The following PPP2R2B variants were observed in gnomAD, a reference collection of about 807,000 sequenced individuals.
PPP2R2B encodes serine/threonine-protein phosphatase 2A 55 kDa regulatory subunit B beta isoform.
Under a neutral mutation model 46.0 loss-of-function variants are expected in PPP2R2B, and 5 were observed. The ratio of observed to expected loss-of-function variants is 0.11; its 90% CI spans 0.06 to 0.23. The LOEUF (loss-of-function observed/expected upper bound fraction) is 0.23, where lower values mean the gene tolerates loss of function less well. PPP2R2B is among the 10% of genes least tolerant of loss of function. The pLI is 1.00. For synonymous variants in PPP2R2B, 215 were observed against 206.7 expected (o/e 1.04, Z -0.34); for missense variants, 367 against 575.0 (o/e 0.64, Z 3.70).
At chr5:147,067,216 A>G (rs1418540733) in intron 2 of PPP2R2B, among the ~76,000 whole-genome samples, 1 of 152,188 alleles carries the variant, frequency 6.6e-6, no homozygotes, top group Non-Finnish European at 1.5e-5. Flanking sequence ...ATTTTCCAGT[A>G]TACAATACCT....
intron 1 of PPP2R2B, among the ~76,000 whole-genome samples, chr5:147,002,381 G>A (rs1363726424): frequency 6.6e-6 from 1 of 152,124 alleles, no homozygotes; most frequent in East Asian, 1.9e-4. Flanking sequence ...GAGGACAAAA[G>A]GCATCACTCT....
intron 1 of PPP2R2B, among the ~76,000 whole-genome samples, chr5:146,902,018 T>C (rs185001159): frequency 1.3e-5 from 2 of 152,244 alleles, no homozygotes; most frequent in Admixed American, 6.5e-5. Context: ...CAAAGTGTGA[T>C]GAAAAAATCT....
chr5:147,042,997 CA>C (rs1289371152), intron 1 of PPP2R2B, among the ~76,000 whole-genome samples: 1 of 152,074 alleles, frequency 6.6e-6, no homozygotes, highest in Non-Finnish European at 1.5e-5. Flanking sequence ...TAGAGGAGAT[CA>C]GGGGCTAATA....
At chr5:146,842,186 T>C (rs1200123759) in intron 2 of PPP2R2B, among the ~76,000 whole-genome samples, 1 of 152,174 alleles carries the variant, frequency 6.6e-6, no homozygotes, top group African/African-American at 2.4e-5. Flanking sequence ...CCTTCTTCCA[T>C]CTGAAGTGCT....
intron 1 of PPP2R2B, among the ~76,000 whole-genome samples, chr5:146,950,139 G>T (rs904349303): frequency 6.6e-6 from 1 of 152,044 alleles, no homozygotes; most frequent in Non-Finnish European, 1.5e-5. Context: ...GTAACGCAAA[G>T]AAATGATGAA....
chr5:146,995,093 C>T (rs1753865730), intron 1 of PPP2R2B, among the ~76,000 whole-genome samples: 1 of 152,158 alleles, frequency 6.6e-6, no homozygotes, highest in Admixed American at 6.5e-5. Flanking sequence ...ATTCTGTTCC[C>T]TTTGTACAAA....
chr5:146,942,701 T>C (rs1417225424), intron 1 of PPP2R2B, among the ~76,000 whole-genome samples: 1 of 152,210 alleles, frequency 6.6e-6, no homozygotes, highest in Non-Finnish European at 1.5e-5. Flanking sequence ...TAGTATGATA[T>C]ATGTTAAAAA....
chr5:146,935,463 T>C (rs1207567870), intron 1 of PPP2R2B, among the ~76,000 whole-genome samples: 2 of 152,164 alleles, frequency 1.3e-5, no homozygotes, highest in Non-Finnish European at 2.9e-5. Flanking sequence ...TATGACACTG[T>C]CTAATGAAGG....
chr5:146,832,466 A>C (rs1344114444), intron 2 of PPP2R2B, among the ~76,000 whole-genome samples: 1 of 127,606 alleles, frequency 7.8e-6, no homozygotes, highest in Admixed American at 1.1e-4. Context: ...ATGTTGGCTC[A>C]CCGCAACCTC....
At chr5:146,721,043 CAATT>C (rs1253630383) in intron 2 of PPP2R2B, among the ~76,000 whole-genome samples, 1 of 152,088 alleles carries the variant, frequency 6.6e-6, no homozygotes, top group Non-Finnish European at 1.5e-5. Flanking sequence ...CTTGAAAAGT[CAATT>C]AACCCACCAG....
chr5:147,072,856 T>C (rs928935132), intron 2 of PPP2R2B, among the ~76,000 whole-genome samples: 1 of 152,228 alleles, frequency 6.6e-6, no homozygotes, highest in African/African-American at 2.4e-5. Flanking sequence ...TGGGTCTGTG[T>C]ACCCAGAAGT....
At chr5:146,644,052 G>T (rs1260177625) in intron 6 of PPP2R2B, among the ~76,000 whole-genome samples, 1 of 152,080 alleles carries the variant, frequency 6.6e-6, no homozygotes. Flanking sequence ...TCTGTGGGCA[G>T]TTTGCCAACC....
intron 2 of PPP2R2B, among the ~76,000 whole-genome samples, chr5:146,827,038 AG>A (rs1198899505): frequency 1.3e-5 from 2 of 152,176 alleles, no homozygotes; most frequent in Admixed American, 1.3e-4. Flanking sequence ...AAACTGCTTA[AG>A]TTTCTGCTTC....
chr5:146,856,663 C>T, intron 2 of PPP2R2B: 1 of 988,284 alleles, frequency 1.0e-6, no homozygotes, highest in East Asian at 2.4e-5. Context: ...GGTGCATTTA[C>T]ATACTTTCCA....
At chr5:147,029,093 G>A (rs1398742069) in intron 1 of PPP2R2B, among the ~76,000 whole-genome samples, 1 of 152,068 alleles carries the variant, frequency 6.6e-6, no homozygotes, top group African/African-American at 2.4e-5. Context: ...TCTACACTGT[G>A]TCTTGCCTTT....
Position 146,603,272 on chromosome 5 carries a change from G to A in PPP2R2B, c.791-2812C>T, listed in dbSNP as rs116726451. Among the ~76,000 whole-genome samples, 513 of 152,142 alleles carry A rather than the reference G, an allele frequency of 3.4e-3. 2 individuals carry two copies. The highest frequency in any genetic ancestry group is 0.011 in the African/African-American group (473 of 41,502). Reference sequence around the variant, plus strand: ...TGGGACCAAGGAGTACAGAACCTGCGGACTATTTGAAAGACATAAAGAATG... The same window carrying A: ...TGGGACCAAGGAGTACAGAACCTGCAGACTATTTGAAAGACATAAAGAATG... On this transcript the variant is annotated intron_variant, in intron 7 of 9. Coordinates refer to ENST00000394411, the MANE Select transcript of PPP2R2B (RefSeq NM_181675.4).
chr5:146,701,240 C>T, intron 2 of PPP2R2B, 98 bp from the exon 3 acceptor site: 1 of 1,070,744 alleles, frequency 9.3e-7, no homozygotes, highest in Non-Finnish European at 1.5e-6. Flanking sequence ...GGGCTTAGGG[C>T]TTTGTCTCTG....
In PPP2R2B at chr5:146,993,274, G is replaced by A. The variant is rs572562497; in HGVS notation, c.79+62391C>T. 2.7e-5 allele frequency among the ~76,000 whole-genome samples: 4 copies of A among 150,936 alleles called. No homozygotes were observed. In the East Asian group the frequency reaches 5.8e-4, roughly 22 times the overall value. The stretch of plus-strand genomic sequence containing the variant: ...AAAAATTTTTTTGAGACAGGGTCTC[G>A]CACTATCACCCAGGCTAGAGTGCAG... On this transcript the variant is annotated intron_variant, in intron 1 of 8. Coordinates refer to the PPP2R2B transcript ENST00000336640.
chr5:146,940,373 T>C lies in PPP2R2B; in HGVS notation c.79+115292A>G, dbSNP rs540666691. 3.3e-5 allele frequency among the ~76,000 whole-genome samples: 5 copies of C among 152,334 alleles called. No homozygotes were observed. The South Asian group carries it at 1.0e-3, about 32-fold the overall frequency. On this transcript the variant is annotated intron_variant, in intron 1 of 8. Transcript: ENST00000336640. The stretch of plus-strand genomic sequence containing the variant: ...AGAACTTCTCTGGAATATTTATATA[T>C]GGACACAGAGAAAGGAGAATTTTTC...
Sources: gnomAD v4.1 joint callset for allele counts (sites outside exome capture counted in the v4.1 genomes callset) on GRCh38, gnomAD v4.1.1 for gene constraint, MANE v1.5 for transcripts, NCBI Gene and HGNC (gene_info 2026-07-23, HGNC 2026-07-21) for gene names.